The following MALRD1 variants were observed in gnomAD, a reference collection of about 807,000 sequenced individuals.
The protein encoded by MALRD1 is MAM and LDL receptor class A domain containing 1, also known as MAM and LDL-receptor class A domain-containing protein 1.
A neutral mutation model predicts 242.1 loss-of-function variants in MALRD1; 247 were observed. That is an observed-to-expected ratio of 1.02 (90% CI 0.92 to 1.13). The LOEUF (loss-of-function observed/expected upper bound fraction) is 1.13, where lower values mean the gene tolerates loss of function less well. MALRD1 is among the 50% of genes most tolerant of loss of function. The pLI is 0.00. For missense variants in MALRD1, 2,989 were observed against 2,533.1 expected, an observed-to-expected ratio of 1.18 and a Z score of -3.86; for synonymous variants, 995 against 866.6, an observed-to-expected ratio of 1.15 and a Z score of -2.60.
intron 5 of MALRD1, among the ~76,000 whole-genome samples, chr10:19,118,065 A>G (rs1254099241): frequency 6.6e-6 from 1 of 152,224 alleles, no homozygotes; most frequent in Non-Finnish European, 1.5e-5. Flanking sequence ...GCTATGGAGA[A>G]CAGTAAAGCA....
At chr10:19,699,999 G>C (rs1419739690) in intron 38 of MALRD1, among the ~76,000 whole-genome samples, 2 of 147,498 alleles carry the variant, frequency 1.4e-5, no homozygotes, top group Non-Finnish European at 3.0e-5. Flanking sequence ...ATGATAGAAG[G>C]GTCCCAAGTG....
chr10:19,567,480 T>G, intron 32 of MALRD1, 22 bp from the exon 33 acceptor site: 6 of 1,542,746 alleles, frequency 3.9e-6, no homozygotes, highest in Non-Finnish European at 5.3e-6. Context: ...CATAAAAAGT[T>G]ATTTTTTAAT....
chr10:19,140,281 G>A (rs1833492605), intron 10 of MALRD1, among the ~76,000 whole-genome samples: 1 of 152,050 alleles, frequency 6.6e-6, no homozygotes, highest in Non-Finnish European at 1.5e-5. Flanking sequence ...CTGCTCATAT[G>A]CTGTAGTGGT....
chr10:19,496,210 A>G (rs59164278), intron 30 of MALRD1, among the ~76,000 whole-genome samples: 23,498 of 152,094 alleles, frequency 0.15, 2,211 homozygotes, highest in East Asian at 0.24. Context: ...TCAACACTTG[A>G]CCAATGGACC....
intron 14 of MALRD1, among the ~76,000 whole-genome samples, chr10:19,185,368 T>C (rs1835692017): frequency 6.6e-6 from 1 of 152,146 alleles, no homozygotes; most frequent in Admixed American, 6.5e-5. Context: ...ACTAATTTTA[T>C]GAAAAAATTC....
intron 1 of MALRD1, among the ~76,000 whole-genome samples, chr10:19,055,583 A>C (rs192280724): frequency 2.6e-5 from 4 of 152,262 alleles, no homozygotes; most frequent in Admixed American, 6.5e-5. Context: ...ATTATTTTAC[A>C]TGGTGTGATT....
At chr10:19,705,165 T>G (rs563829142) in intron 38 of MALRD1, among the ~76,000 whole-genome samples, 1 of 152,174 alleles carries the variant, frequency 6.6e-6, no homozygotes, top group Non-Finnish European at 1.5e-5. Flanking sequence ...TATGATAATG[T>G]GAATCCTTGA....
chr10:19,343,694 G>T (rs1180022031), intron 24 of MALRD1, among the ~76,000 whole-genome samples: 2 of 152,034 alleles, frequency 1.3e-5, no homozygotes, highest in Non-Finnish European at 2.9e-5. Context: ...GTTTTCCTTT[G>T]TATTGCTTAG....
At chr10:19,081,385 C>T (rs563537066) in intron 2 of MALRD1, among the ~76,000 whole-genome samples, 20 of 152,140 alleles carry the variant, frequency 1.3e-4, no homozygotes, top group African/African-American at 4.8e-4. Flanking sequence ...CAATGATAGA[C>T]CGGATAAAGC....
intron 13 of MALRD1, among the ~76,000 whole-genome samples, chr10:19,171,800 GTA>G (rs1041319093): frequency 2.1e-5 from 3 of 139,606 alleles, no homozygotes; most frequent in Non-Finnish European, 3.1e-5. Context: ...ACATATATGT[GTA>G]TATATATCAG....
chr10:19,057,907 G>C (rs1469349185), intron 1 of MALRD1, among the ~76,000 whole-genome samples: 1 of 152,072 alleles, frequency 6.6e-6, no homozygotes. Flanking sequence ...TTTATAATTA[G>C]AAAAGAATGT....
At chr10:19,476,101 T>G (rs1033336310) in intron 29 of MALRD1, among the ~76,000 whole-genome samples, 14 of 152,234 alleles carry the variant, frequency 9.2e-5, no homozygotes, top group African/African-American at 3.1e-4. Flanking sequence ...TGCCAAAGAT[T>G]GGGGGATGAT....
At chr10:19,258,407 G>T (rs1839610020) in intron 19 of MALRD1, among the ~76,000 whole-genome samples, 1 of 152,094 alleles carries the variant, frequency 6.6e-6, no homozygotes. Context: ...ATTCTGAGAA[G>T]TGCATAGTGA....
Position 19,388,059 on chromosome 10 carries a change from C to T in MALRD1, c.4687+286C>T, listed in dbSNP as rs1371343608. The stretch of plus-strand genomic sequence containing the variant: ...TCTGAGGGTTGTGAGGGAGCATGAT[C>T]TCTTCCATGTCCCCTCTTAGATTCT... On this transcript the variant is annotated intron_variant, in intron 27 of 39. Coordinates refer to ENST00000454679, the MANE Select transcript of MALRD1 (RefSeq NM_001142308.3). Among the ~76,000 whole-genome samples, 4 of 152,138 alleles carry T rather than the reference C, an allele frequency of 2.6e-5. 1 individual carries two copies. The East Asian group carries it at 7.7e-4, about 29-fold the overall frequency.
intron 33 of MALRD1, among the ~76,000 whole-genome samples, chr10:19,577,933 T>C (rs902743585): frequency 1.3e-5 from 2 of 152,050 alleles, no homozygotes; most frequent in African/African-American, 4.8e-5. Flanking sequence ...GTCAGAGAGG[T>C]TCTGTGGGCT....
intron 21 of MALRD1, among the ~76,000 whole-genome samples, chr10:19,316,665 G>A (rs1330348104): frequency 6.6e-6 from 1 of 151,776 alleles, no homozygotes; most frequent in Non-Finnish European, 1.5e-5. Flanking sequence ...CCAGGGTGAT[G>A]CTGTGGAAAC....
chr10:19,562,085 C>T (rs1455377444), intron 32 of MALRD1, among the ~76,000 whole-genome samples: 1 of 152,158 alleles, frequency 6.6e-6, no homozygotes, highest in Non-Finnish European at 1.5e-5. Flanking sequence ...ATCACAAGGT[C>T]AGGAGTTCAA....
intron 14 of MALRD1, among the ~76,000 whole-genome samples, chr10:19,201,117 C>T (rs930100422): frequency 1.3e-5 from 2 of 151,974 alleles, no homozygotes; most frequent in Admixed American, 6.6e-5. Flanking sequence ...AAAACATATC[C>T]AGGCTATTTC....
chr10:19,181,911 A>G (rs1835523010), intron 14 of MALRD1, among the ~76,000 whole-genome samples: 1 of 152,146 alleles, frequency 6.6e-6, no homozygotes, highest in South Asian at 2.1e-4. Context: ...AAATGTATCG[A>G]TTTAATAGTG....
Sources: gnomAD v4.1 joint callset for allele counts (sites outside exome capture counted in the v4.1 genomes callset) on GRCh38, gnomAD v4.1.1 for gene constraint, MANE v1.5 for transcripts, NCBI Gene and HGNC (gene_info 2026-07-23, HGNC 2026-07-21) for gene names.